The following IL33 variants were observed in gnomAD, a reference collection of about 807,000 sequenced individuals.
IL33 encodes the protein interleukin-33.
A neutral mutation model predicts 27.3 loss-of-function variants in IL33; 37 were observed. The ratio of observed to expected loss-of-function variants is 1.36; its 90% CI spans 1.04 to 1.78. The LOEUF is 1.78. IL33 is among the 40% of genes most tolerant of loss of function. IL33 has a pLI of 0.00. For synonymous variants in IL33, 132 were observed against 102.9 expected (o/e 1.28, Z -1.71); for missense variants, 406 against 311.4 (o/e 1.30, Z -2.29).
At chr9:6,238,819 C>T (rs1422900646) in intron 1 of IL33, among the ~76,000 whole-genome samples, 2 of 152,156 alleles carry the variant, frequency 1.3e-5, no homozygotes, top group Non-Finnish European at 2.9e-5. Flanking sequence ...GTCCTGCTCC[C>T]TCCACAAACC....
In IL33 at chr9:6,254,520, G is replaced by C; in HGVS notation, c.579G>C (p.Trp193Cys). ...CCCTGAGTCCTACAAAAGACTTCTG[G>C]TTGCATGCCAACAACAAGGAACACT... Reference protein sequence around the residue: ...MVTLSPTKDFWLHANNKEHSV... With the variant: ...MVTLSPTKDFCLHANNKEHSV... The change falls in exon 7 of 8, where the codon TGG (tryptophan) becomes TGC (cysteine). Residue 193 changes from tryptophan to cysteine, a missense_variant. By Grantham distance (215) the Trp-to-Cys change is radical. Transcript: ENST00000682010. 6.3e-7 allele frequency: 1 copy of C among 1,594,858 alleles called. No homozygotes were observed. The highest frequency in any genetic ancestry group is 8.6e-7 in the Non-Finnish European group (1 of 1,168,668).
At chr9:6,237,076 G>A (rs542365554) in intron 1 of IL33, among the ~76,000 whole-genome samples, 16 of 152,086 alleles carry the variant, frequency 1.1e-4, no homozygotes, top group Admixed American at 3.3e-4. Context: ...GGATGTAACT[G>A]CCTTAAATAC....
At chr9:6,224,558 A>G (rs1283973006) in intron 1 of IL33, among the ~76,000 whole-genome samples, 4 of 152,200 alleles carry the variant, frequency 2.6e-5, no homozygotes, top group Admixed American at 2.0e-4. Context: ...AGGCTTTAGA[A>G]TCTGGGTACT....
intron 1 of IL33, among the ~76,000 whole-genome samples, chr9:6,232,222 A>G (rs955635531): frequency 6.6e-6 from 1 of 152,208 alleles, no homozygotes; most frequent in African/African-American, 2.4e-5. Context: ...ATGATGGTGG[A>G]ATACATAGTC....
chr9:6,253,461 G>T, intron 5 of IL33, 91 bp from the exon 6 acceptor site: 1 of 816,022 alleles, frequency 1.2e-6, no homozygotes, highest in Non-Finnish European at 2.0e-6. Flanking sequence ...TAATAAAAGG[G>T]GAGGATATTT....
chr9:6,233,336 A>C (rs1819019682), intron 1 of IL33, among the ~76,000 whole-genome samples: 1 of 152,168 alleles, frequency 6.6e-6, no homozygotes, highest in South Asian at 2.1e-4. Flanking sequence ...TAGACCTTAA[A>C]ACTTCACATC....
At chr9:6,242,417 T>C (rs906411175) in intron 2 of IL33, 2 of 152,170 alleles carry the variant, frequency 1.3e-5, no homozygotes, top group Admixed American at 6.5e-5. Flanking sequence ...AATGCAAAAA[T>C]AGAATACAAA....
At chr9:6,231,751 C>T (rs1454385414) in intron 1 of IL33, among the ~76,000 whole-genome samples, 1 of 152,162 alleles carries the variant, frequency 6.6e-6, no homozygotes, top group Non-Finnish European at 1.5e-5. Context: ...TGCTGTAGTA[C>T]AAGCAAATGC....
intron 1 of IL33, 65 bp from the exon 2 acceptor site, chr9:6,241,619 C>T (rs1819532305): frequency 2.2e-6 from 2 of 917,266 alleles, no homozygotes; most frequent in East Asian, 2.7e-5. Flanking sequence ...GTGAGCTAGC[C>T]ACAGTTGTTT....
chr9:6,251,179 A>C lies in IL33; in HGVS notation c.257A>C (p.Gln86Pro). Residue 86 changes from glutamine (Q) to proline (P), a missense_variant, in exon 4 of 8, where the codon CAA becomes CCA. Physicochemically the swap from Gln to Pro is moderately conservative, Grantham distance 76. Coordinates refer to ENST00000682010, the MANE Select transcript of IL33 (RefSeq NM_033439.4). ...AGACATCTGGTACTCGCTGCCTGTCAACAGCAGTCTACTGTGGAGTGCTTT... is the reference window on the plus strand; with the variant it reads ...AGACATCTGGTACTCGCTGCCTGTCCACAGCAGTCTACTGTGGAGTGCTTT... ...HKRHLVLAAC[Q>P]QQSTVECFAF... The C allele has an allele frequency of 6.2e-7, 1 of 1,614,072 alleles. No homozygotes were observed. The highest frequency in any genetic ancestry group is 8.5e-7 in the Non-Finnish European group (1 of 1,179,936).
chr9:6,243,709 T>G (rs1372178030), intron 2 of IL33, among the ~76,000 whole-genome samples: 2 of 152,142 alleles, frequency 1.3e-5, no homozygotes, highest in Admixed American at 6.5e-5. Flanking sequence ...AACACAAAAG[T>G]AAGTTAATGG....
At chr9:6,252,836 C>T (rs1043952282) in intron 4 of IL33, 30 bp from the exon 5 acceptor site, 4 of 1,587,948 alleles carry the variant, frequency 2.5e-6, no homozygotes, top group African/African-American at 1.4e-5. Flanking sequence ...AAGAATTGTG[C>T]CTGACAAATT....
chr9:6,254,385 T>C, intron 6 of IL33, 77 bp from the exon 7 acceptor site: 1 of 867,528 alleles, frequency 1.2e-6, no homozygotes, highest in Non-Finnish European at 1.7e-6. Context: ...TAGACTTTTT[T>C]CCTGGGTGTT....
At chr9:6,252,805 A>G (rs1036648415) in intron 4 of IL33, 61 bp from the exon 5 acceptor site, 1 of 1,585,160 alleles carries the variant, frequency 6.3e-7, no homozygotes, top group African/African-American at 1.4e-5. Flanking sequence ...TTGAGGGAGC[A>G]TTTTTTAAAA....
At chr9:6,254,432 C>A (rs760274957) in intron 6 of IL33, 30 bp from the exon 7 acceptor site, 47 of 1,416,142 alleles carry the variant, frequency 3.3e-5, no homozygotes, top group Non-Finnish European at 4.4e-5. Context: ...CAGTTCTTAA[C>A]TTTATCATTT....
intron 3 of IL33, 35 bp downstream of exon 3, chr9:6,250,634 T>C (rs1293434212): frequency 6.2e-7 from 1 of 1,600,328 alleles, no homozygotes; most frequent in Non-Finnish European, 8.5e-7. Flanking sequence ...GCAATAGTGA[T>C]AAGTATCTGT....
chr9:6,230,560 C>G (rs539961202), intron 1 of IL33, among the ~76,000 whole-genome samples: 1 of 152,272 alleles, frequency 6.6e-6, no homozygotes, highest in South Asian at 2.1e-4. Context: ...GTGCTCCCAT[C>G]CCCCGCTTCT....
intron 1 of IL33, among the ~76,000 whole-genome samples, chr9:6,226,084 T>C (rs1197134416): frequency 6.6e-6 from 1 of 152,176 alleles, no homozygotes; most frequent in Non-Finnish European, 1.5e-5. Flanking sequence ...CCTAACTCAC[T>C]GCGGCCTCAA....
chr9:6,245,776 G>C (rs975022169), intron 2 of IL33, among the ~76,000 whole-genome samples: 35 of 152,218 alleles, frequency 2.3e-4, no homozygotes, highest in African/African-American at 7.5e-4. Context: ...TAAGAATTGG[G>C]TAGACGCCAG....
Sources: gnomAD v4.1 joint callset for allele counts (sites outside exome capture counted in the v4.1 genomes callset) on GRCh38, gnomAD v4.1.1 for gene constraint, MANE v1.5 for transcripts, NCBI Gene and HGNC (gene_info 2026-07-23, HGNC 2026-07-21) for gene names.